RPL31: variants seen among roughly 807,000 people sequenced by gnomAD.
RPL31 encodes the protein large ribosomal subunit protein eL31.
For missense variants in RPL31, 95 were observed against 164.0 expected (o/e 0.58, Z 2.30); for synonymous variants, 51 against 55.0 (o/e 0.93, Z 0.32).
intron 4 of RPL31, among the ~76,000 whole-genome samples, chr2:101,012,476 G>T (rs1230627091): frequency 6.6e-6 from 1 of 152,158 alleles, no homozygotes; most frequent in Non-Finnish European, 1.5e-5. Flanking sequence ...CAAATGTCCA[G>T]GACAGGCAAA....
downstream of RPL31, chr2:101,007,670 C>T (rs140971569): frequency 3.0e-3 from 2,274 of 754,722 alleles, 34 homozygotes; most frequent in African/African-American, 0.033. Context: ...AGGGTTGTGT[C>T]GGTTCCCCTG....
exon 5 of RPL31, chr2:101,019,006 C>G (rs771875824): frequency 6.2e-7 from 1 of 1,612,634 alleles, no homozygotes; most frequent in Non-Finnish European, 8.5e-7. Context: ...AGTTTCTGTG[C>G]TAAACAGTGT....
At chr2:101,010,881 C>CAA (rs35511736), downstream of RPL31, 5,294 of 1,291,124 alleles carry the variant, frequency 4.1e-3, no homozygotes, top group Non-Finnish European at 4.2e-3. Flanking sequence ...GACTCCATCT[C>CAA]AAAAAAAAAA....
chr2:101,006,288 T>A, intron 4 of RPL31, 62 bp from the exon 5 acceptor site: 1 of 1,586,032 alleles, frequency 6.3e-7, no homozygotes, highest in Non-Finnish European at 8.6e-7. Flanking sequence ...TACAAAAGGT[T>A]TTTAGAGTTG....
downstream of RPL31, chr2:101,011,079 G>T: frequency 1.9e-6 from 3 of 1,551,068 alleles, no homozygotes; most frequent in Non-Finnish European, 2.6e-6. Context: ...TTCAGTGACA[G>T]CAAAAAGGAA....
At chr2:101,017,772 C>T in intron 4 of RPL31, 3 of 1,462,544 alleles carry the variant, frequency 2.1e-6, no homozygotes, top group Non-Finnish European at 1.9e-6. Context: ...TAAGATGTTA[C>T]CAAAATCTTG....
rs975252211 is a variant in RPL31 at position 101,006,469 on chromosome 2, A to G, written c.*88A>G. 2.7e-5 allele frequency: 33 copies of G among 1,225,130 alleles called. No homozygotes were observed. The East Asian group carries it at 7.3e-4, about 27-fold the overall frequency. 75.9% of individuals were successfully genotyped at this position (1,225,130 alleles called of 1,614,324 possible). A position where few individuals can be genotyped will look rare whatever the true frequency, so the allele number is the denominator to read the frequency against. On this transcript the variant is annotated 3_prime_UTR_variant, in exon 5 of 5. Transcript: ENST00000264258. Reference sequence around the variant, plus strand: ...GCAACATAATGTACTTGTATACCCTATCCTAATTATGGGATCATTTGAAGA... The same window carrying G: ...GCAACATAATGTACTTGTATACCCTGTCCTAATTATGGGATCATTTGAAGA...
chr2:101,009,692 G>C (rs1030990735), downstream of RPL31, among the ~76,000 whole-genome samples: 6 of 151,846 alleles, frequency 4.0e-5, no homozygotes, highest in Non-Finnish European at 8.8e-5. Context: ...AACATGCTAC[G>C]AAACACTAAT....
intron 4 of RPL31, chr2:101,017,990 T>G: frequency 4.0e-6 from 6 of 1,485,066 alleles, no homozygotes; most frequent in South Asian, 1.2e-5. Context: ...ACGGTTCCAA[T>G]GCTCGCAATT....
chr2:101,005,370 G>A (rs1009084662), intron 3 of RPL31: 4 of 154,032 alleles, frequency 2.6e-5, no homozygotes, highest in African/African-American at 4.8e-5. Flanking sequence ...GCGCAATGGC[G>A]TAGTCTCAGC....
rs564023472 is a variant in RPL31, at chr2:101,012,680, C to T, written c.347-6318C>T. ...CTTTAAACGGGTGACTTGCATGGTG[C>T]GTGAAATATATCTCAATAAAGCTGC... is the stretch of plus-strand genomic sequence containing the variant. On this transcript the variant is annotated intron_variant, in intron 4 of 4. Coordinates refer to the RPL31 transcript ENST00000409028. Among the ~76,000 whole-genome samples the T allele has an allele frequency of 5.9e-5, 9 of 151,550 alleles. 1 individual carries two copies. The highest frequency in any genetic ancestry group is 2.1e-4 in the South Asian group (1 of 4,784).
At chr2:101,015,849 T>C (rs1217178844) in intron 4 of RPL31, among the ~76,000 whole-genome samples, 5 of 152,108 alleles carry the variant, frequency 3.3e-5, no homozygotes, top group African/African-American at 9.6e-5. Context: ...ATAAATGGTG[T>C]TGGGAAAACT....
At chr2:101,012,916 T>C (rs1476552773) in intron 4 of RPL31, among the ~76,000 whole-genome samples, 1 of 152,228 alleles carries the variant, frequency 6.6e-6, no homozygotes, top group Non-Finnish European at 1.5e-5. Context: ...GTGGCACATG[T>C]AAGAATCCAC....
In RPL31 at chr2:101,006,444, G is replaced by A; in HGVS notation, c.*63G>A. On this transcript the variant is annotated 3_prime_UTR_variant, in exon 5 of 5. Coordinates refer to ENST00000264258, the MANE Select transcript of RPL31 (RefSeq NM_000993.5). ...CTTCATGTTTTTGTTCTTTTTAGTT[G>A]CAACATAATGTACTTGTATACCCTA... 6.8e-7 allele frequency: 1 copy of A among 1,480,100 alleles called. No individual in the cohort carries two copies. The highest frequency in any genetic ancestry group is 9.3e-7 in the Non-Finnish European group (1 of 1,078,484). The allele number at this position is 1,480,100 out of a possible 1,614,324, so 91.7% of individuals were successfully genotyped here.
chr2:101,018,384 A>C, intron 4 of RPL31: 1 of 157,572 alleles, frequency 6.3e-6, no homozygotes, highest in Non-Finnish European at 1.4e-5. Context: ...GCCAATAATT[A>C]CCCTTAACCA....
At chr2:101,009,231 T>C (rs1433208735), downstream of RPL31, among the ~76,000 whole-genome samples, 2 of 152,020 alleles carry the variant, frequency 1.3e-5, no homozygotes, top group Non-Finnish European at 2.9e-5. Flanking sequence ...GGTGAAACCC[T>C]GTCTCTATTA....
downstream of RPL31, chr2:101,007,865 T>G (rs1233587010): frequency 4.3e-6 from 7 of 1,611,882 alleles, no homozygotes; most frequent in African/African-American, 6.9e-5. Context: ...TGGTGGCTCA[T>G]TTCAAAAGTT....
At chr2:101,011,070 T>G (rs748162384), downstream of RPL31, 1 of 1,580,748 alleles carries the variant, frequency 6.3e-7, no homozygotes, top group South Asian at 1.1e-5. Flanking sequence ...TTAAATAAAT[T>G]CAGTGACAGC....
chr2:101,012,418 C>T (rs929493913), intron 4 of RPL31, among the ~76,000 whole-genome samples: 1 of 151,836 alleles, frequency 6.6e-6, no homozygotes, highest in Non-Finnish European at 1.5e-5. Flanking sequence ...TTGAAAACAT[C>T]ATGCTAGGTG....
Sources: gnomAD v4.1 joint callset for allele counts (sites outside exome capture counted in the v4.1 genomes callset) on GRCh38, gnomAD v4.1.1 for gene constraint, MANE v1.5 for transcripts, NCBI Gene and HGNC (gene_info 2026-07-23, HGNC 2026-07-21) for gene names.